Variants in L3MBTL3 observed in about 807,000 individuals in gnomAD.
L3MBTL3 encodes lethal(3)malignant brain tumor-like protein 3.
In L3MBTL3, 27 loss-of-function variants were observed where a neutral mutation model predicts 102.3. That is an observed-to-expected ratio of 0.26 (90% CI 0.19 to 0.36). L3MBTL3 has a LOEUF of 0.36. Ranked by LOEUF, L3MBTL3 falls within the 10% of genes least tolerant of loss-of-function variation. The pLI, the probability that L3MBTL3 is intolerant of heterozygous loss-of-function variation, is 1.00. For synonymous variants in L3MBTL3, 340 were observed against 320.9 expected (o/e 1.06, Z -0.64); for missense variants, 798 against 955.3 (o/e 0.84, Z 2.17).
chr6:130,055,498 CCCTCTCTCCCTGCCTCTCTCCCTG>C (rs1216376872), intron 8 of L3MBTL3, among the ~76,000 whole-genome samples: 2 of 143,268 alleles, frequency 1.4e-5, no homozygotes, highest in East Asian at 2.1e-4. Flanking sequence ...CTCTCTCCCT[CCCTCTCTCCCTGCCTCTCTCCCTG>C]CCTCTCTCCC....
chr6:130,081,738 T>A (rs1157805185), intron 14 of L3MBTL3, among the ~76,000 whole-genome samples: 1 of 152,132 alleles, frequency 6.6e-6, no homozygotes, highest in African/African-American at 2.4e-5. Flanking sequence ...TATTTACTCT[T>A]TAAACATTTT....
intron 12 of L3MBTL3, among the ~76,000 whole-genome samples, chr6:130,068,769 GA>G (rs1203131151): frequency 2.6e-5 from 4 of 152,320 alleles, no homozygotes; most frequent in African/African-American, 9.6e-5. Context: ...ATAGCCAGAT[GA>G]AGGTAGCCCT....
At chr6:130,060,348 G>T (rs1781807127) in intron 10 of L3MBTL3, among the ~76,000 whole-genome samples, 1 of 152,194 alleles carries the variant, frequency 6.6e-6, no homozygotes, top group African/African-American at 2.4e-5. Context: ...GAGGCTCAGA[G>T]TGATGAAGTG....
chr6:130,116,661 G>GAGA (rs977658378), intron 19 of L3MBTL3, among the ~76,000 whole-genome samples: 3 of 152,092 alleles, frequency 2.0e-5, no homozygotes, highest in Non-Finnish European at 4.4e-5. Context: ...GCTGAGGCTG[G>GAGA]AGAAGCACTT....
intron 22 of L3MBTL3, among the ~76,000 whole-genome samples, chr6:130,136,657 G>A (rs750442554): frequency 1.1e-4 from 17 of 151,028 alleles, no homozygotes; most frequent in Admixed American, 4.0e-4. Flanking sequence ...TCACTCTGTC[G>A]CCCAGGCTGG....
At chr6:130,035,655 G>A (rs1780010352) in intron 2 of L3MBTL3, among the ~76,000 whole-genome samples, 1 of 152,226 alleles carries the variant, frequency 6.6e-6, no homozygotes. Context: ...GTAGCAGCAT[G>A]CTGGGCATCA....
At chr6:130,046,660 T>C (rs1048586834) in intron 3 of L3MBTL3, among the ~76,000 whole-genome samples, 1 of 152,330 alleles carries the variant, frequency 6.6e-6, no homozygotes, top group East Asian at 1.9e-4. Flanking sequence ...AAATCCCTTT[T>C]GTAAAGTTTA....
intron 2 of L3MBTL3, among the ~76,000 whole-genome samples, chr6:130,032,663 A>G (rs79505913): frequency 0.07 from 10,712 of 152,254 alleles, 544 homozygotes; most frequent in Middle Eastern, 0.13. Context: ...AGGTTCTGTT[A>G]TTCTTTGCAT....
intron 19 of L3MBTL3, among the ~76,000 whole-genome samples, chr6:130,111,569 T>G (rs748659108): frequency 6.6e-6 from 1 of 152,220 alleles, no homozygotes; most frequent in Admixed American, 6.5e-5. Flanking sequence ...CTGACGTTGC[T>G]TTTGATTCAG....
chr6:130,054,017 A>G (rs890273455), intron 7 of L3MBTL3, among the ~76,000 whole-genome samples: 7 of 152,198 alleles, frequency 4.6e-5, no homozygotes, highest in Admixed American at 2.0e-4. Flanking sequence ...AAAATAGGGC[A>G]TTAGGATTGG....
chr6:130,072,268 A>G (rs376169677), intron 13 of L3MBTL3, among the ~76,000 whole-genome samples: 12 of 152,280 alleles, frequency 7.9e-5, no homozygotes, highest in East Asian at 5.8e-4. Context: ...TTTACATTGT[A>G]TTAGGTATTA....
chr6:130,098,268 T>C (rs1427246352), intron 18 of L3MBTL3, among the ~76,000 whole-genome samples: 2 of 152,214 alleles, frequency 1.3e-5, no homozygotes, highest in Admixed American at 6.5e-5. Context: ...AACATCATAT[T>C]AATTCACCAT....
At chr6:130,090,885 C>A (rs1034267926) in intron 16 of L3MBTL3, among the ~76,000 whole-genome samples, 1 of 152,080 alleles carries the variant, frequency 6.6e-6, no homozygotes, top group African/African-American at 2.4e-5. Flanking sequence ...CTGAGCCTGG[C>A]CTCAAATTTA....
At chr6:130,131,502 C>T (rs1461203044) in intron 20 of L3MBTL3, among the ~76,000 whole-genome samples, 3 of 152,104 alleles carry the variant, frequency 2.0e-5, no homozygotes, top group Admixed American at 6.6e-5. Flanking sequence ...GAAACACATA[C>T]GTACATTCAA....
intron 22 of L3MBTL3, 68 bp from the exon 23 acceptor site, chr6:130,139,542 C>T: frequency 1.4e-6 from 2 of 1,435,772 alleles, no homozygotes; most frequent in Non-Finnish European, 2.0e-6. Context: ...GGTAATTTAA[C>T]CTTGAATATT....
At chr6:130,070,374 C>G (rs997510125) in intron 12 of L3MBTL3, among the ~76,000 whole-genome samples, 1 of 152,098 alleles carries the variant, frequency 6.6e-6, no homozygotes, top group African/African-American at 2.4e-5. Flanking sequence ...TTTTGAATAG[C>G]TTTGTACATC....
intron 22 of L3MBTL3, among the ~76,000 whole-genome samples, chr6:130,136,491 C>A (rs191221787): frequency 1.2e-4 from 18 of 152,328 alleles, no homozygotes; most frequent in Admixed American, 2.0e-4. Flanking sequence ...TTCTTCTGCT[C>A]AGATGCCAGC....
Position 130,139,925 on chromosome 6 carries a change from C to CT in L3MBTL3, c.*174dup, listed in dbSNP as rs1788117084. ...ATATATATGAATTCTTATGAAAGTG[C>CT]TTGAGCTTTTAACCAGGTACTGTCT... On this transcript the variant is annotated 3_prime_UTR_variant, in exon 23 of 23. Coordinates refer to ENST00000361794, the MANE Select transcript of L3MBTL3 (RefSeq NM_032438.4). 1 of 595,832 alleles carries CT rather than the reference C, an allele frequency of 1.7e-6. No individual in the cohort carries two copies. Among genetic ancestry groups the CT allele is most frequent in the East Asian group, 3.2e-5 (1 of 31,676 alleles). The allele number at this position is 595,832 out of a possible 1,614,324, so 36.9% of individuals were successfully genotyped here.
intron 2 of L3MBTL3, among the ~76,000 whole-genome samples, 153 bp from the exon 3 acceptor site, chr6:130,042,532 A>G (rs1220444706): frequency 6.6e-6 from 1 of 152,234 alleles, no homozygotes; most frequent in Non-Finnish European, 1.5e-5. Flanking sequence ...AAAAGTGTTA[A>G]TATTTTTGAA....
Sources: gnomAD v4.1 joint callset for allele counts (sites outside exome capture counted in the v4.1 genomes callset) on GRCh38, gnomAD v4.1.1 for gene constraint, MANE v1.5 for transcripts, NCBI Gene and HGNC (gene_info 2026-07-23, HGNC 2026-07-21) for gene names.